The following CACNA1B variants were observed in gnomAD, a reference collection of about 807,000 sequenced individuals.
CACNA1B encodes the protein calcium voltage-gated channel subunit alpha1 B.
Under a neutral mutation model 247.2 loss-of-function variants are expected in CACNA1B, and 70 were observed. The observed-to-expected ratio is 0.28, with a 90% CI of 0.23 to 0.35. CACNA1B has a LOEUF of 0.35. Among genes scored for constraint, CACNA1B ranks in the 10% least tolerant of loss-of-function variants. The pLI, the probability that CACNA1B is intolerant of heterozygous loss-of-function variation, is 1.00. For synonymous variants in CACNA1B, 1,231 were observed against 1,294.4 expected, an observed-to-expected ratio of 0.95 and a Z score of 1.05; for missense variants, 2,367 against 3,197.4, an observed-to-expected ratio of 0.74 and a Z score of 6.26.
chr9:138,101,464 C>T (rs1961248813), intron 37 of CACNA1B, among the ~76,000 whole-genome samples: 1 of 152,228 alleles, frequency 6.6e-6, no homozygotes, highest in African/African-American at 2.4e-5. Context: ...GGGCTAGGTC[C>T]CTCCTGCATC....
chr9:137,927,957 G>C (rs562573875), intron 6 of CACNA1B, among the ~76,000 whole-genome samples: 6 of 152,266 alleles, frequency 3.9e-5, no homozygotes, highest in African/African-American at 1.4e-4. Context: ...TATTGAACCA[G>C]CCTTGCATTC....
chr9:138,044,285 T>A (rs932861214), intron 21 of CACNA1B, among the ~76,000 whole-genome samples: 3 of 152,272 alleles, frequency 2.0e-5, no homozygotes, highest in African/African-American at 7.2e-5. Flanking sequence ...TCTATCCGTG[T>A]GTCCACGCCT....
Position 138,059,587 on chromosome 9 carries a change from A to T in CACNA1B, c.4585-67A>T. 3.2e-6 allele frequency: 3 copies of T among 929,346 alleles called. No homozygotes were observed. In the South Asian group the frequency reaches 4.0e-5, roughly 12 times the overall value. 57.6% of individuals were successfully genotyped at this position (929,346 alleles called of 1,614,324 possible). A position where few individuals can be genotyped will look rare whatever the true frequency, so the allele number is the denominator to read the frequency against. On this transcript the variant is annotated intron_variant, in intron 30 of 46. Transcript: ENST00000371372. The surrounding 1 kb of genome is among the most constrained non-coding windows in gnomAD (Gnocchi z 4.2). Reference sequence around the variant, plus strand: ...GCTTTCTTAATCAGGGCCACCACCTATATATACCTCTTTGCCAACAGAGCC... The same window carrying T: ...GCTTTCTTAATCAGGGCCACCACCTTTATATACCTCTTTGCCAACAGAGCC...
chr9:138,097,234 A>T (rs1259415515), intron 37 of CACNA1B, among the ~76,000 whole-genome samples: 1 of 152,088 alleles, frequency 6.6e-6, no homozygotes, highest in Non-Finnish European at 1.5e-5. Context: ...ATCATCTGTC[A>T]TCGTGGGAAA....
chr9:138,081,843 T>C (rs997361241), intron 36 of CACNA1B, among the ~76,000 whole-genome samples: 2 of 151,052 alleles, frequency 1.3e-5, no homozygotes, highest in African/African-American at 2.5e-5. Context: ...AATAGACCTG[T>C]AACGAGTAAG....
At chr9:137,883,238 G>A (rs57037554) in intron 3 of CACNA1B, among the ~76,000 whole-genome samples, 1 of 151,208 alleles carries the variant, frequency 6.6e-6, no homozygotes, top group Middle Eastern at 3.4e-3. Context: ...GCTTCCTAGC[G>A]AGGAGGAGGG....
intron 38 of CACNA1B, among the ~76,000 whole-genome samples, chr9:138,103,859 G>A (rs1231843937): frequency 2.0e-5 from 3 of 152,230 alleles, no homozygotes; most frequent in Admixed American, 6.5e-5. Context: ...CTGACTCTAG[G>A]TCTTTGTCAC....
Position 138,114,215 on chromosome 9 carries a change from C to G in CACNA1B, c.5537-163C>G, listed in dbSNP as rs77668191. 0.012 allele frequency among the ~76,000 whole-genome samples: 1,819 copies of G among 152,234 alleles called. 45 individuals are homozygous for G. Among genetic ancestry groups the G allele is most frequent in the African/African-American group, 0.042 (1,746 of 41,548 alleles). On this transcript the variant is annotated intron_variant, in intron 40 of 46. Coordinates refer to ENST00000371372, the MANE Select transcript of CACNA1B (RefSeq NM_000718.4). ...CTAGGTAGGCCAAACTCCTGGTGGCCGAGCCCCATGTTCTGCCTGAGAGCC... is the reference window on the plus strand; with the variant it reads ...CTAGGTAGGCCAAACTCCTGGTGGCGGAGCCCCATGTTCTGCCTGAGAGCC...
In CACNA1B at chr9:137,971,357, T is replaced by A. The variant is rs1589040893; in HGVS notation, c.1334-26T>A. 6.4e-7 allele frequency: 1 copy of A among 1,572,614 alleles called. No homozygotes were observed. The highest frequency in any genetic ancestry group is 1.4e-5 in the African/African-American group (1 of 73,916). On this transcript the variant is annotated intron_variant, in intron 10 of 46. Transcript: ENST00000371372. The surrounding 1 kb of genome is among the most constrained non-coding windows in gnomAD (Gnocchi z 4.4). ...AGGCGGGTGCCCATTGGTCCCCACA[T>A]CCTCAGTAACTCCCCATCCCCTCAG...
In CACNA1B at chr9:137,971,588, C is replaced by T; in HGVS notation, c.1539C>T (p.Thr513=). 1 of 1,612,320 alleles carries T rather than the reference C, an allele frequency of 6.2e-7. No homozygotes were observed. The highest frequency in any genetic ancestry group is 8.5e-7 in the Non-Finnish European group (1 of 1,178,996). The change falls in exon 11 of 47, where the codon ACC becomes ACT. Residue 513 remains threonine (T), a synonymous_variant. Transcript: ENST00000371372. The surrounding 1 kb of genome is among the most constrained non-coding windows in gnomAD (Gnocchi z 4.4). ...ACCAGCCGCGGCGGCTTACCACGACCCTGTGTACGTATCCCCGTCCCTCCC... is the reference window on the plus strand; with the variant it reads ...ACCAGCCGCGGCGGCTTACCACGACTCTGTGTACGTATCCCCGTCCCTCCC... ...HYNQPRRLTT[T]LYFAEFVFLG...
rs1958181677 is a variant in CACNA1B at position 137,973,530 on chromosome 9, C to A, written c.1543+1938C>A. ...TGTCAGGACTTGCCATCCTGTGAGCCCCTGGGGGGCCTTATGCAGCTCACC... is the reference window on the plus strand; with the variant it reads ...TGTCAGGACTTGCCATCCTGTGAGCACCTGGGGGGCCTTATGCAGCTCACC... On this transcript the variant is annotated intron_variant, in intron 11 of 46. Coordinates refer to ENST00000371372, the MANE Select transcript of CACNA1B (RefSeq NM_000718.4). This position sits in a 1 kb window ranked among gnomAD's most constrained non-coding sequence, Gnocchi z 4.1. Among the ~76,000 whole-genome samples the A allele has an allele frequency of 6.6e-6, 1 of 152,178 alleles. No homozygotes were observed. The highest frequency in any genetic ancestry group is 1.5e-5 in the Non-Finnish European group (1 of 68,034).
chr9:138,106,010 A>G (rs1961412475), intron 39 of CACNA1B, among the ~76,000 whole-genome samples: 1 of 152,150 alleles, frequency 6.6e-6, no homozygotes, highest in Non-Finnish European at 1.5e-5. Flanking sequence ...CACTGCAATG[A>G]TCCCATTTTC....
Position 137,914,857 on chromosome 9 carries a change from A to T in CACNA1B, c.775+51A>T. On this transcript the variant is annotated intron_variant, in intron 5 of 46. Transcript: ENST00000371372. The surrounding 1 kb of genome is among the most constrained non-coding windows in gnomAD (Gnocchi z 4.3). ...ACAGGCAAGTGCCACGGATGCGTTCATCCAGGAGATGGGCACTGTTCTAGG... is the reference window on the plus strand; with the variant it reads ...ACAGGCAAGTGCCACGGATGCGTTCTTCCAGGAGATGGGCACTGTTCTAGG... 6.3e-7 allele frequency: 1 copy of T among 1,599,562 alleles called. No homozygotes were observed. The highest frequency in any genetic ancestry group is 8.5e-7 in the Non-Finnish European group (1 of 1,171,998).
chr9:138,030,390 T>G (rs1379010067), intron 20 of CACNA1B, among the ~76,000 whole-genome samples: 2 of 152,198 alleles, frequency 1.3e-5, no homozygotes, highest in Admixed American at 6.5e-5. Context: ...GTATTTTATA[T>G]TGATTTATTT....
chr9:138,024,645 A>ATTG (rs1169834894), intron 19 of CACNA1B, among the ~76,000 whole-genome samples: 1 of 152,056 alleles, frequency 6.6e-6, no homozygotes, highest in Non-Finnish European at 1.5e-5. Flanking sequence ...TATTATTATT[A>ATTG]TTGGAGACAG....
In CACNA1B at chr9:137,954,135, G is replaced by A. The variant is rs116678241; in HGVS notation, c.1071-1563G>A. ...GATATGTGATGTTCCTCCCATCAGCGCAGCTGAACCCTCCCTCAGGCCCAC... is the reference window on the plus strand; with the variant it reads ...GATATGTGATGTTCCTCCCATCAGCACAGCTGAACCCTCCCTCAGGCCCAC... On this transcript the variant is annotated intron_variant, in intron 7 of 46. Transcript: ENST00000371372. The surrounding 1 kb of genome is among the most constrained non-coding windows in gnomAD (Gnocchi z 4.1). Among the ~76,000 whole-genome samples, 1,704 of 152,264 alleles carry A rather than the reference G, an allele frequency of 0.011. 34 individuals are homozygous for A. The highest frequency in any genetic ancestry group is 0.039 in the African/African-American group (1,607 of 41,536).
intron 3 of CACNA1B, chr9:137,892,271 G>A (rs998985288): frequency 1.0e-4 from 47 of 456,678 alleles, no homozygotes; most frequent in Non-Finnish European, 1.8e-4. Flanking sequence ...CCAAGATCAG[G>A]GTGTTGGCAG....
chr9:138,056,559 C>A (rs1441736032), intron 26 of CACNA1B, among the ~76,000 whole-genome samples: 1 of 152,122 alleles, frequency 6.6e-6, no homozygotes, highest in African/African-American at 2.4e-5. Context: ...TTGTGTGGGT[C>A]TGTTTTTGCT....
At chr9:138,042,308 G>C (rs1959134335) in intron 20 of CACNA1B, among the ~76,000 whole-genome samples, 1 of 152,134 alleles carries the variant, frequency 6.6e-6, no homozygotes, top group South Asian at 2.1e-4. Flanking sequence ...AAATTAGCTG[G>C]GTGTGTTGGC....
Sources: gnomAD v4.1 joint callset for allele counts (sites outside exome capture counted in the v4.1 genomes callset) on GRCh38, gnomAD v4.1.1 for gene constraint, Gnocchi (gnomAD v3.1) non-coding constraint, MANE v1.5 for transcripts, NCBI Gene and HGNC (gene_info 2026-07-23, HGNC 2026-07-21) for gene names.